The following PKD1L3 variants were observed in gnomAD, a reference collection of about 807,000 sequenced individuals.
The protein encoded by PKD1L3 is polycystin 1 like 3, transient receptor potential channel interacting.
In PKD1L3, 239 loss-of-function variants were observed where a neutral mutation model predicts 184.1. The ratio of observed to expected loss-of-function variants is 1.30; its 90% CI spans 1.17 to 1.45. The LOEUF (loss-of-function observed/expected upper bound fraction) is 1.45, where lower values mean the gene tolerates loss of function less well. Among genes scored for constraint, PKD1L3 ranks in the 40% most tolerant of loss-of-function variants. The pLI, the probability that PKD1L3 is intolerant of heterozygous loss-of-function variation, is 0.00. For synonymous variants in PKD1L3, 996 were observed against 778.8 expected (o/e 1.28, Z -4.64); for missense variants, 2,660 against 2,067.2 (o/e 1.29, Z -5.56).
At chr16:71,958,509 G>T (rs2039137457) in intron 16 of PKD1L3, among the ~76,000 whole-genome samples, 1 of 152,078 alleles carries the variant, frequency 6.6e-6, no homozygotes. Flanking sequence ...GCTGGACGTG[G>T]TAGCTCATGC....
chr16:71,950,234 C>A lies in PKD1L3; in HGVS notation c.3267G>T (p.Thr1089=). The A allele has an allele frequency of 3.2e-6, 5 of 1,551,908 alleles. No homozygotes were observed. The highest frequency in any genetic ancestry group is 3.5e-6 in the Non-Finnish European group (4 of 1,147,030). ...VLQRLKSHLG[T]LGLTQGHQSC... is the part of the protein sequence containing the mutation. The stretch of plus-strand genomic sequence containing the variant: ...ACTGGTGACCCTGGGTGAGACCCAG[C>A]GTGCCTAAGTGAGATTTCAGCCTCT... The change falls in exon 20 of 30, where the codon ACG becomes ACT. Residue 1089 remains threonine (T), a synonymous_variant. Coordinates refer to ENST00000620267, the MANE Select transcript of PKD1L3 (RefSeq NM_181536.2).
chr16:71,992,603 T>A lies in PKD1L3; in HGVS notation c.535+613A>T, dbSNP rs144002478. ...TTCCTACAACTCACAAGTCCCAATT[T>A]ACAAAGGATTGAGAAAAGCTGGATT... is the stretch of plus-strand genomic sequence containing the variant. On this transcript the variant is annotated intron_variant, in intron 3 of 29. Transcript: ENST00000620267. Among the ~76,000 whole-genome samples, 390 of 152,352 alleles carry A rather than the reference T, an allele frequency of 2.6e-3. 3 individuals are homozygous for A. Among genetic ancestry groups the A allele is most frequent in the Admixed American group, 5.8e-3 (89 of 15,304 alleles).
chr16:71,942,200 C>T (rs1347992083), intron 24 of PKD1L3, among the ~76,000 whole-genome samples: 7 of 152,024 alleles, frequency 4.6e-5, no homozygotes, highest in East Asian at 1.9e-4. Context: ...GGCATGGTGG[C>T]GGGCACCTGT....
intron 1 of PKD1L3, among the ~76,000 whole-genome samples, chr16:71,999,037 C>T (rs1349156575): frequency 1.3e-5 from 2 of 151,862 alleles, no homozygotes; most frequent in South Asian, 2.1e-4. Context: ...TTTTGGAGGC[C>T]GAGGCGGGCG....
intron 15 of PKD1L3, among the ~76,000 whole-genome samples, chr16:71,965,985 T>C (rs2039488619): frequency 6.6e-6 from 1 of 152,164 alleles, no homozygotes; most frequent in Admixed American, 6.6e-5. Context: ...TAAATAAAAC[T>C]GGAAGGATGG....
chr16:71,957,146 G>C (rs980240569), intron 16 of PKD1L3, among the ~76,000 whole-genome samples: 5 of 151,992 alleles, frequency 3.3e-5, no homozygotes, highest in Non-Finnish European at 7.4e-5. Flanking sequence ...TAAAAGATAC[G>C]ACAAAAGAAT....
At chr16:71,994,767 G>A (rs2040722100) in intron 2 of PKD1L3, among the ~76,000 whole-genome samples, 1 of 152,128 alleles carries the variant, frequency 6.6e-6, no homozygotes, top group South Asian at 2.1e-4. Context: ...GGGAGGCCGA[G>A]GAGACTGTAT....
At chr16:71,946,019 C>T (rs1255896688) in intron 22 of PKD1L3, among the ~76,000 whole-genome samples, 5 of 152,110 alleles carry the variant, frequency 3.3e-5, no homozygotes, top group African/African-American at 1.2e-4. Context: ...AGTACGATGG[C>T]ACGATCTTGG....
chr16:71,941,673 C>G (rs2038366397), intron 24 of PKD1L3, among the ~76,000 whole-genome samples: 1 of 151,004 alleles, frequency 6.6e-6, no homozygotes, highest in South Asian at 2.1e-4. Context: ...CAACCTCCAC[C>G]TCCTGGGTTC....
chr16:71,935,225 G>T, intron 26 of PKD1L3, 133 bp downstream of exon 26: 1 of 990,818 alleles, frequency 1.0e-6, no homozygotes, highest in Non-Finnish European at 1.4e-6. Context: ...GTGGACATGA[G>T]TCCAAGTTCT....
In PKD1L3 at chr16:71,969,972, T is replaced by G; in HGVS notation, c.2087A>C (p.Asn696Thr). 1.3e-6 allele frequency: 2 copies of G among 1,551,818 alleles called. No homozygotes were observed. The highest frequency in any genetic ancestry group is 3.9e-5 in the Admixed American group (2 of 50,980). ...CAGCAGTGACACCCCAACAGGATTG[T>G]TGGTCACGCGAAGGAACAGTTTGAT... Reference protein sequence around the residue: ...DTIKLFLRVTNNPVGVSLLAS... With the variant: ...DTIKLFLRVTTNPVGVSLLAS... Residue 696 changes from asparagine (N) to threonine (T), a missense_variant, in exon 13 of 30, where the codon AAC (asparagine) becomes ACC (threonine). Physicochemically the swap from Asn to Thr is moderately conservative, Grantham distance 65. Transcript: ENST00000620267.
Position 71,933,483 on chromosome 16 carries a change from C to G in PKD1L3, c.4863G>C (p.Arg1621=). 2.6e-6 allele frequency: 4 copies of G among 1,551,700 alleles called. No individual in the cohort carries two copies. Among genetic ancestry groups the G allele is most frequent in the Non-Finnish European group, 2.6e-6 (3 of 1,146,910 alleles). The change falls in exon 28 of 30, where the codon CGG becomes CGC. Residue 1621 remains arginine (R), a synonymous_variant. Transcript: ENST00000620267. ...CAGTCACTGCTGAGCTGAAAAATGTCCGGTAGTCAGAGATGCTGCATCCAA... is the reference window on the plus strand; with the variant it reads ...CAGTCACTGCTGAGCTGAAAAATGTGCGGTAGTCAGAGATGCTGCATCCAA... The part of the protein sequence containing the change: ...LLFGCSISDY[R]TFFSSAVTVV...
intron 28 of PKD1L3, 137 bp from the exon 29 acceptor site, chr16:71,930,320 TAATAAG>T: frequency 2.4e-6 from 2 of 843,754 alleles, no homozygotes; most frequent in Non-Finnish European, 3.4e-6. Context: ...AGTCAAAAGA[TAATAAG>T]AAGGAAAATA....
In PKD1L3 at chr16:71,975,204, C is replaced by T. The variant is rs374887825; in HGVS notation, c.1760-1687G>A. Among the ~76,000 whole-genome samples, 91 of 147,934 alleles carry T rather than the reference C, an allele frequency of 6.2e-4. 1 individual carries two copies. Among genetic ancestry groups the T allele is most frequent in the Admixed American group, 1.7e-3 (24 of 14,426 alleles). On this transcript the variant is annotated intron_variant, in intron 11 of 29. Coordinates refer to ENST00000620267, the MANE Select transcript of PKD1L3 (RefSeq NM_181536.2). ...CCAAGTAGTTAGGACTACAGGTGCA[C>T]GCCACCACGCTCGGCTAATTTTTTT...
chr16:71,978,190 T>C, intron 10 of PKD1L3, 65 bp downstream of exon 10: 1 of 1,484,062 alleles, frequency 6.7e-7, no homozygotes, highest in African/African-American at 1.4e-5. Context: ...AGTTGTTGCA[T>C]CCTTCCATCC....
chr16:71,996,403 GGT>G (rs1567558858), intron 2 of PKD1L3, among the ~76,000 whole-genome samples: 4 of 151,900 alleles, frequency 2.6e-5, no homozygotes, highest in African/African-American at 4.8e-5. Flanking sequence ...TGGGACTACA[GGT>G]GCACACCACC....
chr16:71,943,209 C>G (rs117224311), intron 23 of PKD1L3, among the ~76,000 whole-genome samples, 185 bp from the exon 24 acceptor site: 1 of 152,124 alleles, frequency 6.6e-6, no homozygotes, highest in Non-Finnish European at 1.5e-5. Context: ...CAGAATTATT[C>G]TGCCACTAAT....
intron 16 of PKD1L3, among the ~76,000 whole-genome samples, chr16:71,958,386 C>CA (rs35815882): frequency 0.54 from 56,491 of 105,206 alleles, 13,451 homozygotes; most frequent in Middle Eastern, 0.63. Context: ...GACTCCGTCT[C>CA]AAAAAAAAAA....
At chr16:71,989,832 T>C (rs2040519044) in intron 4 of PKD1L3, among the ~76,000 whole-genome samples, 1 of 152,112 alleles carries the variant, frequency 6.6e-6, no homozygotes, top group Non-Finnish European at 1.5e-5. Context: ...CCCAGCAGTT[T>C]GGGAGGCTGA....
Sources: gnomAD v4.1 joint callset for allele counts (sites outside exome capture counted in the v4.1 genomes callset) on GRCh38, gnomAD v4.1.1 for gene constraint, MANE v1.5 for transcripts, NCBI Gene and HGNC (gene_info 2026-07-23, HGNC 2026-07-21) for gene names.